LRMDA: variants seen among roughly 807,000 people sequenced by gnomAD.
LRMDA encodes the protein leucine-rich melanocyte differentiation-associated protein.
Under a neutral mutation model 29.8 loss-of-function variants are expected in LRMDA, and 18 were observed. The ratio of observed to expected loss-of-function variants is 0.60; its 90% CI spans 0.42 to 0.90. The LOEUF is 0.90. Ranked by LOEUF, LRMDA falls within the 40% of genes least tolerant of loss-of-function variation. The pLI is 0.00. For synonymous variants in LRMDA, 125 were observed against 109.4 expected, an observed-to-expected ratio of 1.14 and a Z score of -0.89; for missense variants, 273 against 273.9, an observed-to-expected ratio of 1.00 and a Z score of 0.02.
chr10:75,706,417 A>C (rs566009562), intron 2 of LRMDA, among the ~76,000 whole-genome samples: 1 of 152,218 alleles, frequency 6.6e-6, no homozygotes, highest in Non-Finnish European at 1.5e-5. Flanking sequence ...AAAGTCTTAG[A>C]TAAGTTTCTC....
At chr10:76,024,680 G>A (rs1298667509) in intron 2 of LRMDA, among the ~76,000 whole-genome samples, 3 of 152,206 alleles carry the variant, frequency 2.0e-5, no homozygotes, top group Non-Finnish European at 1.5e-5. Context: ...TGGTCTTTGG[G>A]CAAGTATTTG....
chr10:75,673,404 C>A (rs1055391005), intron 2 of LRMDA, among the ~76,000 whole-genome samples: 4 of 152,146 alleles, frequency 2.6e-5, no homozygotes, highest in African/African-American at 9.7e-5. Context: ...AGATAAAAAA[C>A]CAGATACATA....
At chr10:76,160,065 A>C (rs1301502182) in intron 5 of LRMDA, among the ~76,000 whole-genome samples, 1 of 152,106 alleles carries the variant, frequency 6.6e-6, no homozygotes, top group Non-Finnish European at 1.5e-5. Flanking sequence ...CATCAGTGTA[A>C]CAATTGTGCC....
intron 6 of LRMDA, among the ~76,000 whole-genome samples, chr10:76,330,352 A>C (rs1025208155): frequency 6.6e-6 from 1 of 152,180 alleles, no homozygotes; most frequent in African/African-American, 2.4e-5. Flanking sequence ...ACATGGTTAG[A>C]CAAAGGGTAT....
intron 2 of LRMDA, among the ~76,000 whole-genome samples, chr10:75,583,930 G>A (rs184203233): frequency 6.6e-6 from 1 of 152,170 alleles, no homozygotes; most frequent in East Asian, 1.9e-4. Context: ...CCTCAGTTGT[G>A]TCTCCCACAC....
rs1167534730 is a variant in LRMDA, at chr10:76,558,669, G to GAT, written c.*1383_*1384dup. The GAT allele has an allele frequency of 6.6e-6, 1 of 152,188 alleles. No homozygotes were observed. Among genetic ancestry groups the GAT allele is most frequent in the Non-Finnish European group, 1.5e-5 (1 of 68,036 alleles). The allele number at this position is 152,188 out of a possible 1,614,324, so 9.4% of individuals were successfully genotyped here. A position where few individuals can be genotyped will look rare whatever the true frequency, so the allele number is the denominator to read the frequency against. On this transcript the variant is annotated 3_prime_UTR_variant, in exon 7 of 7. Transcript: ENST00000611255. ...TGAAAGAGAATCCCTCCAAGTTATA[G>GAT]ATACTGAGGGACTAGGAGCTGCTAT...
chr10:75,704,629 A>G (rs1438319334), intron 2 of LRMDA, among the ~76,000 whole-genome samples: 1 of 152,176 alleles, frequency 6.6e-6, no homozygotes, highest in Non-Finnish European at 1.5e-5. Context: ...CATGTTGGCC[A>G]TATGGAATCA....
intron 2 of LRMDA, among the ~76,000 whole-genome samples, chr10:75,988,093 C>A (rs893850466): frequency 6.6e-6 from 1 of 152,174 alleles, no homozygotes; most frequent in Non-Finnish European, 1.5e-5. Context: ...GCAGGAGGCA[C>A]GATAGCTCCT....
chr10:76,409,900 T>C lies in LRMDA; in HGVS notation c.601+85415T>C, dbSNP rs532524707. On this transcript the variant is annotated intron_variant, in intron 6 of 6. Transcript: ENST00000611255. ...ACAAATTTATGCTAGCGACTCAATA[T>C]GGTAACAGCTTTATAGTGAACATGC... is the stretch of plus-strand genomic sequence containing the variant. Among the ~76,000 whole-genome samples the C allele has an allele frequency of 3.3e-5, 5 of 152,316 alleles. No individual in the cohort carries two copies. The South Asian group carries it at 1.0e-3, about 32-fold the overall frequency.
intron 2 of LRMDA, among the ~76,000 whole-genome samples, chr10:75,833,592 C>T (rs1172422562): frequency 6.6e-6 from 1 of 152,200 alleles, no homozygotes; most frequent in Non-Finnish European, 1.5e-5. Flanking sequence ...TTCACCCCAT[C>T]CCAAGGTCAC....
intron 2 of LRMDA, among the ~76,000 whole-genome samples, chr10:75,769,230 A>C (rs1843207155): frequency 1.3e-5 from 2 of 152,238 alleles, no homozygotes; most frequent in Admixed American, 6.5e-5. Flanking sequence ...CAAGTTATAA[A>C]ATTACATAAA....
intron 2 of LRMDA, among the ~76,000 whole-genome samples, chr10:75,988,638 T>C (rs912868836): frequency 6.6e-6 from 1 of 152,018 alleles, no homozygotes; most frequent in Non-Finnish European, 1.5e-5. Context: ...ATTTGTTTGC[T>C]CTTATTCCTA....
chr10:75,633,709 T>C (rs1841356125), intron 2 of LRMDA, among the ~76,000 whole-genome samples: 1 of 152,148 alleles, frequency 6.6e-6, no homozygotes, highest in South Asian at 2.1e-4. Flanking sequence ...CAGATGTGGA[T>C]TGTGGTGTGG....
intron 2 of LRMDA, among the ~76,000 whole-genome samples, chr10:75,733,931 C>T (rs931222613): frequency 6.6e-6 from 1 of 152,192 alleles, no homozygotes; most frequent in African/African-American, 2.4e-5. Flanking sequence ...TAGTAGCCTA[C>T]TTGGAAATAG....
At chr10:76,258,287 T>C (rs926801941) in intron 5 of LRMDA, among the ~76,000 whole-genome samples, 1 of 152,220 alleles carries the variant, frequency 6.6e-6, no homozygotes, top group African/African-American at 2.4e-5. Context: ...TACTTTTTTA[T>C]GTAGTTCATG....
chr10:76,289,288 T>C (rs1289532491), intron 5 of LRMDA, among the ~76,000 whole-genome samples: 1 of 152,214 alleles, frequency 6.6e-6, no homozygotes, highest in Non-Finnish European at 1.5e-5. Context: ...GTTTTTAATA[T>C]GTACAGACAG....
intron 2 of LRMDA, among the ~76,000 whole-genome samples, chr10:75,597,960 A>G (rs1840818161): frequency 6.6e-6 from 1 of 152,056 alleles, no homozygotes; most frequent in Non-Finnish European, 1.5e-5. Context: ...GGGGAGTACA[A>G]GGGGGCAGCC....
At chr10:75,850,957 T>G (rs1390563426) in intron 2 of LRMDA, among the ~76,000 whole-genome samples, 1 of 152,184 alleles carries the variant, frequency 6.6e-6, no homozygotes, top group Non-Finnish European at 1.5e-5. Flanking sequence ...AGAAATATTT[T>G]AAAGTTGGGT....
intron 2 of LRMDA, among the ~76,000 whole-genome samples, chr10:75,609,789 G>C (rs1267488358): frequency 6.6e-6 from 1 of 152,120 alleles, no homozygotes; most frequent in African/African-American, 2.4e-5. Flanking sequence ...TCCTGTTGTG[G>C]GAGCAGGCAT....
Sources: gnomAD v4.1 joint callset for allele counts (sites outside exome capture counted in the v4.1 genomes callset) on GRCh38, gnomAD v4.1.1 for gene constraint, MANE v1.5 for transcripts, NCBI Gene and HGNC (gene_info 2026-07-23, HGNC 2026-07-21) for gene names.